The following FAM114A1 variants were observed in gnomAD, a reference collection of about 807,000 sequenced individuals.
FAM114A1 encodes family with sequence similarity 114 member A1.
In FAM114A1, 62 loss-of-function variants were observed where a neutral mutation model predicts 64.3. The ratio of observed to expected loss-of-function variants is 0.96; its 90% CI spans 0.79 to 1.19. The LOEUF is 1.19. Ranked by LOEUF, FAM114A1 falls within the 50% of genes most tolerant of loss-of-function variation. The probability of loss-of-function intolerance (pLI) is 0.00; values close to 1 mark genes in which losing one functional copy is unlikely to be tolerated. For missense variants in FAM114A1, 645 were observed against 676.3 expected (o/e 0.95, Z 0.51); for synonymous variants, 254 against 251.1 (o/e 1.01, Z -0.11).
intron 2 of FAM114A1, among the ~76,000 whole-genome samples, chr4:38,874,205 C>T (rs561033159): frequency 2.6e-5 from 4 of 152,264 alleles, no homozygotes; most frequent in East Asian, 3.9e-4. Flanking sequence ...TCAGTTTCCT[C>T]GTCTGTAAAA....
Position 38,914,998 on chromosome 4 carries a change from G to T in FAM114A1, c.870G>T (p.Gly290=), listed in dbSNP as rs759885327. The T allele has an allele frequency of 2.5e-6, 4 of 1,614,176 alleles. No individual in the cohort carries two copies. In the Admixed American group the frequency reaches 5.0e-5, roughly 20 times the overall value. Residue 290 remains glycine (G), a synonymous_variant, in exon 8 of 15, where the codon GGG becomes GGT. Coordinates refer to ENST00000358869, the MANE Select transcript of FAM114A1 (RefSeq NM_138389.4). The stretch of plus-strand genomic sequence containing the variant: ...CGATGGAGAGAACCGCGCACTACGG[G>T]ATGCTGTTTGATGAATATCAAGGCT... The part of the protein sequence containing the change: ...QLTMERTAHY[G]MLFDEYQGLS...
intron 2 of FAM114A1, among the ~76,000 whole-genome samples, chr4:38,871,350 C>T (rs899717656): frequency 1.3e-5 from 2 of 151,632 alleles, no homozygotes. Context: ...CCTTGGCCTC[C>T]CAAAGTGCTG....
chr4:38,912,035 A>AT (rs1265613264), intron 7 of FAM114A1, among the ~76,000 whole-genome samples: 1 of 151,064 alleles, frequency 6.6e-6, no homozygotes, highest in Admixed American at 6.6e-5. Context: ...TAATTTTTGT[A>AT]TTTTTAGTAG....
chr4:38,943,588 C>G lies in FAM114A1; in HGVS notation c.*31C>G. On this transcript the variant is annotated 3_prime_UTR_variant, in exon 15 of 15. Transcript: ENST00000358869. ...CCAGACTCCATCTAGTTAAAGGAGA[C>G]AGCTGGCCGCCTTGCCTCAATATGT... 2 of 1,591,184 alleles carry G rather than the reference C, an allele frequency of 1.3e-6. No individual in the cohort carries two copies. The highest frequency in any genetic ancestry group is 1.7e-6 in the Non-Finnish European group (2 of 1,160,052).
Position 38,902,204 on chromosome 4 carries a change from A to T in FAM114A1, c.437-3318A>T, listed in dbSNP as rs1023597124. Among the ~76,000 whole-genome samples, 7 of 152,312 alleles carry T rather than the reference A, an allele frequency of 4.6e-5. No homozygotes were observed. The Middle Eastern group carries it at 0.01, about 222-fold the overall frequency. ...CACCTCACCAGGTCTCAGTTTTCTCAGTTGTGAAATGAGTATACTAATATC... is the reference window on the plus strand; with the variant it reads ...CACCTCACCAGGTCTCAGTTTTCTCTGTTGTGAAATGAGTATACTAATATC... On this transcript the variant is annotated intron_variant, in intron 4 of 14. Transcript: ENST00000358869.
intron 13 of FAM114A1, among the ~76,000 whole-genome samples, chr4:38,939,050 C>G (rs1721356285): frequency 6.6e-6 from 1 of 152,126 alleles, no homozygotes; most frequent in South Asian, 2.1e-4. Context: ...TTCAGTAGGT[C>G]TGGGATGAGG....
rs781536756 is a variant in FAM114A1, at chr4:38,891,791, T to C, written c.397T>C (p.Trp133Arg). 2 of 1,612,834 alleles carry C rather than the reference T, an allele frequency of 1.2e-6. No homozygotes were observed. The highest frequency in any genetic ancestry group is 3.3e-5 in the Admixed American group (2 of 59,708). The change falls in exon 4 of 15, where the codon TGG becomes CGG. Residue 133 changes from tryptophan (W) to arginine (R), a missense_variant. Trp to Arg is a moderately radical substitution (Grantham distance 101, BLOSUM62 -3). Transcript: ENST00000358869. ...SGGGWAGWGS[W>R]GKSLLSSASA... ...AGGAGGATGGGCAGGCTGGGGATCC[T>C]GGGGCAAATCTCTGCTGTCGTCAGC...
At chr4:38,886,185 T>G (rs1168050188) in intron 3 of FAM114A1, among the ~76,000 whole-genome samples, 3 of 151,528 alleles carry the variant, frequency 2.0e-5, no homozygotes, top group African/African-American at 7.3e-5. Context: ...TTTTTTTTTT[T>G]TTTTGAGACA....
chr4:38,939,922 T>G (rs1204663597), intron 13 of FAM114A1, among the ~76,000 whole-genome samples: 6 of 147,540 alleles, frequency 4.1e-5, no homozygotes, highest in African/African-American at 1.5e-4. Context: ...GGAGTCTTAC[T>G]CTGTCACCCA....
At chr4:38,932,464 C>A (rs1361138485) in intron 12 of FAM114A1, 90 bp downstream of exon 12, 10 of 1,266,984 alleles carry the variant, frequency 7.9e-6, no homozygotes, top group African/African-American at 3.1e-5. Flanking sequence ...ACCCTCTAAG[C>A]CACTAGAAGA....
At chr4:38,907,141 TCTC>T (rs1159579575) in intron 6 of FAM114A1, among the ~76,000 whole-genome samples, 1 of 152,186 alleles carries the variant, frequency 6.6e-6, no homozygotes, top group East Asian at 1.9e-4. Context: ...TGACTGGTCT[TCTC>T]CTTGCTATTT....
At chr4:38,932,512 G>C (rs1720736902) in intron 12 of FAM114A1, 138 bp downstream of exon 12, 1 of 932,848 alleles carries the variant, frequency 1.1e-6, no homozygotes, top group Admixed American at 3.3e-5. Context: ...TTTTTGTTTT[G>C]TTGAGACGGG....
At chr4:38,920,507 A>T (rs1202482030) in intron 8 of FAM114A1, among the ~76,000 whole-genome samples, 1 of 152,182 alleles carries the variant, frequency 6.6e-6, no homozygotes, top group Non-Finnish European at 1.5e-5. Flanking sequence ...AGCAGGAGAG[A>T]TGCTATAGTG....
chr4:38,872,551 A>G (rs1714185530), intron 2 of FAM114A1, among the ~76,000 whole-genome samples: 1 of 152,240 alleles, frequency 6.6e-6, no homozygotes, highest in Non-Finnish European at 1.5e-5. Context: ...AATGTCTACC[A>G]TCTACCGATT....
rs191935873 is a variant in FAM114A1 at position 38,919,440 on chromosome 4, C to T, written c.946-3330C>T. Among the ~76,000 whole-genome samples the T allele has an allele frequency of 1.6e-3, 238 of 152,284 alleles. 1 individual carries two copies. Among genetic ancestry groups the T allele is most frequent in the Middle Eastern group, 0.01 (3 of 294 alleles). On this transcript the variant is annotated intron_variant, in intron 8 of 14. Coordinates refer to ENST00000358869, the MANE Select transcript of FAM114A1 (RefSeq NM_138389.4). Reference sequence around the variant, plus strand: ...TGTAAGCAGCACCTCTTAGCTATCCCGTGGGCTGAGGGATACACAGCCAGT... The same window carrying T: ...TGTAAGCAGCACCTCTTAGCTATCCTGTGGGCTGAGGGATACACAGCCAGT...
chr4:38,931,698 A>G (rs1331824680), intron 11 of FAM114A1, 86 bp downstream of exon 11: 2 of 1,364,072 alleles, frequency 1.5e-6, no homozygotes, highest in Non-Finnish European at 2.0e-6. Flanking sequence ...AGGAGAGGCC[A>G]TTTCTTTTTC....
chr4:38,880,277 G>A (rs953312360), intron 3 of FAM114A1, among the ~76,000 whole-genome samples: 2 of 152,088 alleles, frequency 1.3e-5, no homozygotes, highest in Admixed American at 6.6e-5. Flanking sequence ...GTAATGTTTG[G>A]CCAGGATTGA....
chr4:38,896,721 A>C (rs2109630694), intron 4 of FAM114A1, among the ~76,000 whole-genome samples: 1 of 152,378 alleles, frequency 6.6e-6, no homozygotes, highest in Non-Finnish European at 1.5e-5. Flanking sequence ...GTACAGGCAT[A>C]GTGTCAACCC....
At chr4:38,909,616 C>T (rs944517845) in intron 7 of FAM114A1, among the ~76,000 whole-genome samples, 3 of 152,184 alleles carry the variant, frequency 2.0e-5, no homozygotes, top group African/African-American at 7.2e-5. Flanking sequence ...TAGCTTACCC[C>T]ACAATCCAGG....
Sources: gnomAD v4.1 joint callset for allele counts (sites outside exome capture counted in the v4.1 genomes callset) on GRCh38, gnomAD v4.1.1 for gene constraint, MANE v1.5 for transcripts, NCBI Gene and HGNC (gene_info 2026-07-23, HGNC 2026-07-21) for gene names.